Variants in GLG1 observed in about 807,000 individuals in gnomAD.
GLG1 encodes the protein Golgi apparatus protein 1.
A neutral mutation model predicts 160.5 loss-of-function variants in GLG1; 38 were observed. That is an observed-to-expected ratio of 0.24 (90% CI 0.18 to 0.31). The LOEUF is 0.31. Among genes scored for constraint, GLG1 ranks in the 10% least tolerant of loss-of-function variants. The pLI is 1.00. For synonymous variants in GLG1, 644 were observed against 543.4 expected (o/e 1.19, Z -2.57); for missense variants, 1,373 against 1,505.2 (o/e 0.91, Z 1.45).
At chr16:74,568,395 GAAGTATCAGAA>G (rs60694011) in intron 1 of GLG1, among the ~76,000 whole-genome samples, 84,278 of 149,838 alleles carry the variant, frequency 0.56, 24,799 homozygotes, top group East Asian at 0.8. Flanking sequence ...AAAGCAGAAA[GAAGTATCAGAA>G]TAATTTTACT....
intron 1 of GLG1, chr16:74,562,976 C>A (rs961867881): frequency 1.3e-5 from 2 of 152,124 alleles, no homozygotes; most frequent in African/African-American, 4.8e-5. Context: ...AATTGTACAC[C>A]CATTGGAAAT....
Position 74,452,498 on chromosome 16 carries a change from G to A in GLG1, c.*669C>T. The A allele has an allele frequency of 1.9e-6, 2 of 1,035,194 alleles. No homozygotes were observed. The highest frequency in any genetic ancestry group is 2.3e-6 in the Non-Finnish European group (2 of 858,702). The allele number at this position is 1,035,194 out of a possible 1,614,324, so 64.1% of individuals were successfully genotyped here. ...ACCACAGAAATACCCATGGCTGTGG[G>A]GCTGTGACCAGCAGTGGCTGATTAG... On this transcript the variant is annotated 3_prime_UTR_variant, in exon 26 of 26. Transcript: ENST00000422840.
At chr16:74,541,006 C>T (rs2017849024) in intron 1 of GLG1, among the ~76,000 whole-genome samples, 1 of 152,032 alleles carries the variant, frequency 6.6e-6, no homozygotes, top group South Asian at 2.1e-4. Flanking sequence ...TTGTAACTAC[C>T]ACACTACTAC....
intron 1 of GLG1, among the ~76,000 whole-genome samples, chr16:74,581,190 A>G (rs1427058426): frequency 6.6e-6 from 1 of 152,230 alleles, no homozygotes; most frequent in African/African-American, 2.4e-5. Context: ...ATATTTGTAT[A>G]CCCACATTCA....
At chr16:74,460,022 AT>A (rs372902114) in intron 22 of GLG1, among the ~76,000 whole-genome samples, 46,781 of 128,776 alleles carry the variant, frequency 0.36, 8,358 homozygotes, top group African/African-American at 0.51. Flanking sequence ...TGCCTGGCTG[AT>A]TTTTTTTTTT....
intron 11 of GLG1, among the ~76,000 whole-genome samples, chr16:74,479,199 G>A (rs1191241517): frequency 6.8e-6 from 1 of 146,434 alleles, no homozygotes; most frequent in Non-Finnish European, 1.5e-5. Context: ...ACTCCAGCCT[G>A]GGGTGCAGTG....
chr16:74,589,039 C>T (rs184670941), intron 1 of GLG1, among the ~76,000 whole-genome samples: 211 of 150,824 alleles, frequency 1.4e-3, no homozygotes, highest in African/African-American at 2.9e-3. Context: ...GTCAGGAGTT[C>T]GAGACCAGCC....
intron 1 of GLG1, among the ~76,000 whole-genome samples, chr16:74,600,053 CA>C (rs1013137971): frequency 3.3e-4 from 50 of 151,408 alleles, no homozygotes; most frequent in African/African-American, 1.1e-3. Flanking sequence ...CAAAACAAAA[CA>C]AAAAAACAAC....
intron 5 of GLG1, among the ~76,000 whole-genome samples, chr16:74,495,556 G>A (rs2016155197): frequency 6.6e-6 from 1 of 152,194 alleles, no homozygotes; most frequent in South Asian, 2.1e-4. Flanking sequence ...TTGTAAGGAT[G>A]GAGAGACCAT....
At chr16:74,526,038 A>AATAC (rs1490147412) in intron 2 of GLG1, among the ~76,000 whole-genome samples, 5 of 152,236 alleles carry the variant, frequency 3.3e-5, no homozygotes, top group African/African-American at 1.2e-4. Context: ...TAAATAAATA[A>AATAC]ATAAATAGAA....
chr16:74,559,868 T>A (rs2018458752), intron 1 of GLG1, among the ~76,000 whole-genome samples: 1 of 152,220 alleles, frequency 6.6e-6, no homozygotes, highest in Non-Finnish European at 1.5e-5. Flanking sequence ...TTTATTATTT[T>A]AAAAAATAAA....
chr16:74,456,411 C>T (rs528097574), intron 25 of GLG1: 17 of 451,018 alleles, frequency 3.8e-5, no homozygotes, highest in East Asian at 2.8e-4. Context: ...CTGCCTGCCT[C>T]GGCCTCCCAA....
At chr16:74,527,138 A>C (rs1022196301) in intron 2 of GLG1, among the ~76,000 whole-genome samples, 14 of 152,046 alleles carry the variant, frequency 9.2e-5, no homozygotes, top group Admixed American at 3.9e-4. Flanking sequence ...TCCAAAGTAA[A>C]ATTATATTTT....
At chr16:74,542,136 A>C (rs965938856) in intron 1 of GLG1, among the ~76,000 whole-genome samples, 2 of 149,978 alleles carry the variant, frequency 1.3e-5, no homozygotes, top group African/African-American at 4.9e-5. Flanking sequence ...CTCTAAGAAA[A>C]GCACATGAAC....
Position 74,607,086 on chromosome 16 carries a change from C to G in GLG1, c.9G>C (p.Ala3=), listed in dbSNP as rs778664917. The change falls in exon 1 of 26, where the codon GCG becomes GCC. Residue 3 remains alanine (A), a synonymous_variant. Transcript: ENST00000422840. MA[A]CGRVRRMFRL... ...GGAACATCCTCCGTACACGTCCACA[C>G]GCCGCCATCTTGAGTCCGCGGCGAG... 20 of 1,549,766 alleles carry G rather than the reference C, an allele frequency of 1.3e-5. No individual in the cohort carries two copies. The highest frequency in any genetic ancestry group is 6.8e-5 in the African/African-American group (5 of 73,320).
rs533657303 is a variant in GLG1 at position 74,469,918 on chromosome 16, C to T, written c.2318+67G>A. The T allele has an allele frequency of 1.6e-5, 16 of 1,004,358 alleles. No homozygotes were observed. The African/African-American group carries it at 2.2e-4, about 14-fold the overall frequency. The allele number at this position is 1,004,358 out of a possible 1,614,324, so 62.2% of individuals were successfully genotyped here. ...GCAGCAGGAGGGCTGCCTAACATCT[C>T]GCATACTCATTCCGGAGCTAAGAGG... On this transcript the variant is annotated intron_variant, in intron 16 of 25. Coordinates refer to ENST00000422840, the MANE Select transcript of GLG1 (RefSeq NM_001145667.2).
At chr16:74,542,748 A>AGGAAGGAAGGAAGGAAGGAAG (rs2017922121) in intron 1 of GLG1, among the ~76,000 whole-genome samples, 2 of 23,282 alleles carry the variant, frequency 8.6e-5, no homozygotes, top group African/African-American at 3.6e-4. Flanking sequence ...GAAGGAAGGA[A>AGGAAGGAAGGAAGGAAGGAAG]GGAAGGAAGG....
intron 2 of GLG1, among the ~76,000 whole-genome samples, chr16:74,511,603 G>A (rs79920540): frequency 0.34 from 44,350 of 131,602 alleles, 7,612 homozygotes; most frequent in African/African-American, 0.43. Flanking sequence ...AAAAAAAAAA[G>A]AAAGAAAGAA....
chr16:74,467,876 T>C, intron 17 of GLG1, 28 bp from the exon 18 acceptor site: 1 of 1,487,906 alleles, frequency 6.7e-7, no homozygotes, highest in South Asian at 1.1e-5. Context: ...CATGGAAAGG[T>C]GAGCTTGGTT....
Sources: gnomAD v4.1 joint callset for allele counts (sites outside exome capture counted in the v4.1 genomes callset) on GRCh38, gnomAD v4.1.1 for gene constraint, MANE v1.5 for transcripts, NCBI Gene and HGNC (gene_info 2026-07-23, HGNC 2026-07-21) for gene names.